Variants in GABBR2 observed in about 807,000 individuals in gnomAD.
GABBR2 encodes the protein gamma-aminobutyric acid type B receptor subunit 2.
Under a neutral mutation model 105.6 loss-of-function variants are expected in GABBR2, and 23 were observed. The ratio of observed to expected loss-of-function variants is 0.22; its 90% CI spans 0.16 to 0.31. The LOEUF is 0.31. Among genes scored for constraint, GABBR2 ranks in the 10% least tolerant of loss-of-function variants. GABBR2 has a pLI of 1.00. For missense variants in GABBR2, 734 were observed against 1,245.5 expected (o/e 0.59, Z 6.18); for synonymous variants, 478 against 499.7 (o/e 0.96, Z 0.58).
intron 8 of GABBR2, among the ~76,000 whole-genome samples, chr9:98,395,396 A>G (rs1162305588): frequency 6.6e-6 from 1 of 151,922 alleles, no homozygotes; most frequent in African/African-American, 2.4e-5. Flanking sequence ...TTGAGTCTAG[A>G]GCTGAGGGGA....
At chr9:98,563,510 C>T (rs1429750105) in intron 2 of GABBR2, among the ~76,000 whole-genome samples, 1 of 152,220 alleles carries the variant, frequency 6.6e-6, no homozygotes, top group Non-Finnish European at 1.5e-5. Context: ...TGGGCCAAAA[C>T]AGCTTTGCTG....
At chr9:98,583,347 G>A (rs374928257) in intron 1 of GABBR2, among the ~76,000 whole-genome samples, 40 of 152,306 alleles carry the variant, frequency 2.6e-4, no homozygotes, top group African/African-American at 8.7e-4. Flanking sequence ...TCAGCTTAGA[G>A]TTTTTTACAG....
Position 98,354,836 on chromosome 9 carries a change from T to C in GABBR2, c.1893+7879A>G, listed in dbSNP as rs1235176777. On this transcript the variant is annotated intron_variant, in intron 13 of 18. Coordinates refer to ENST00000259455, the MANE Select transcript of GABBR2 (RefSeq NM_005458.8). ...CATGTGTTCACTGAAACAGCACTTT[T>C]AATTCCCTTCAAGAATTTTTCCTTT... Among the ~76,000 whole-genome samples the C allele has an allele frequency of 6.6e-5, 10 of 152,266 alleles. No homozygotes were observed. In the South Asian group the frequency reaches 2.1e-3, roughly 31 times the overall value.
At chr9:98,417,326 C>A (rs186822263) in intron 7 of GABBR2, among the ~76,000 whole-genome samples, 1 of 152,158 alleles carries the variant, frequency 6.6e-6, no homozygotes, top group Non-Finnish European at 1.5e-5. Flanking sequence ...CAGAGTGGCC[C>A]AAGGTGGAGG....
Position 98,585,573 on chromosome 9 carries a change from A to G in GABBR2, c.322-7501T>C, listed in dbSNP as rs562572346. On this transcript the variant is annotated intron_variant, in intron 1 of 18. Transcript: ENST00000259455. ...GAGTTAATGGGTGCAGCACACCAAC[A>G]TGGCACACGTATACATATGTAACAA... is the stretch of plus-strand genomic sequence containing the variant. 6.4e-3 allele frequency among the ~76,000 whole-genome samples: 971 copies of G among 151,866 alleles called. 11 individuals carry two copies. The highest frequency in any genetic ancestry group is 0.022 in the African/African-American group (905 of 41,358).
chr9:98,386,377 C>G (rs1832073032), intron 10 of GABBR2, among the ~76,000 whole-genome samples: 1 of 152,200 alleles, frequency 6.6e-6, no homozygotes, highest in African/African-American at 2.4e-5. Flanking sequence ...CTCAGGGTTG[C>G]TTAGGAAAGC....
intron 7 of GABBR2, among the ~76,000 whole-genome samples, chr9:98,416,667 C>A (rs903644178): frequency 3.3e-5 from 5 of 152,258 alleles, no homozygotes; most frequent in Non-Finnish European, 5.9e-5. Flanking sequence ...CTTCAGACAT[C>A]AGAATACTAG....
At chr9:98,508,675 C>T (rs1196544732) in intron 3 of GABBR2, among the ~76,000 whole-genome samples, 6 of 152,138 alleles carry the variant, frequency 3.9e-5, no homozygotes, top group African/African-American at 7.3e-5. Flanking sequence ...GCTAGCACAG[C>T]AGTCCGAGAT....
At chr9:98,514,663 G>T (rs544847897) in intron 3 of GABBR2, among the ~76,000 whole-genome samples, 1 of 106,814 alleles carries the variant, frequency 9.4e-6, no homozygotes, top group Non-Finnish European at 1.9e-5. Flanking sequence ...GTGGGGGGAG[G>T]GGGGAGGGAT....
At chr9:98,379,966 T>C (rs1048640050) in intron 11 of GABBR2, among the ~76,000 whole-genome samples, 1 of 152,168 alleles carries the variant, frequency 6.6e-6, no homozygotes, top group African/African-American at 2.4e-5. Context: ...AAGAACTTAG[T>C]TGACTTTTTT....
chr9:98,697,921 C>G (rs1473453464), intron 1 of GABBR2, among the ~76,000 whole-genome samples: 1 of 152,206 alleles, frequency 6.6e-6, no homozygotes, highest in African/African-American at 2.4e-5. Context: ...CCACTTACAT[C>G]CCTGAAACAA....
chr9:98,650,693 T>C (rs374076473), intron 1 of GABBR2, among the ~76,000 whole-genome samples: 3 of 152,294 alleles, frequency 2.0e-5, no homozygotes, highest in East Asian at 1.9e-4. Context: ...TACGTACACA[T>C]TGACAGATGA....
At position 98,700,633 on chromosome 9, in the gene GABBR2, G is replaced by A. The variant is rs147597146; in HGVS notation, c.321+7784C>T. On this transcript the variant is annotated intron_variant, in intron 1 of 18. Coordinates refer to ENST00000259455, the MANE Select transcript of GABBR2 (RefSeq NM_005458.8). ...TCTCTTATGCTTACAAGTCTATCTT[G>A]GCATCTCCTTCCTGAAGGACCCCAA... is the stretch of plus-strand genomic sequence containing the variant. 3.0e-3 allele frequency among the ~76,000 whole-genome samples: 464 copies of A among 152,190 alleles called. 1 individual carries two copies. Among genetic ancestry groups the A allele is most frequent in the Middle Eastern group, 0.014 (4 of 294 alleles).
intron 3 of GABBR2, among the ~76,000 whole-genome samples, chr9:98,520,571 G>T (rs1371727429): frequency 6.6e-6 from 1 of 152,180 alleles, no homozygotes; most frequent in Non-Finnish European, 1.5e-5. Context: ...TCCCCACAAC[G>T]CCTGCTGCCC....
In GABBR2 at chr9:98,468,927, G is replaced by A. The variant is rs540895516; in HGVS notation, c.999+4219C>T. ...AGCAGCATGGCAGAGGGGAAGGGGC[G>A]CTGAGTTGGGATTAGGAGTCCTGGC... On this transcript the variant is annotated intron_variant, in intron 6 of 18. Transcript: ENST00000259455. Among the ~76,000 whole-genome samples the A allele has an allele frequency of 7.6e-4, 116 of 152,260 alleles. 2 individuals are homozygous for A. Among genetic ancestry groups the A allele is most frequent in the African/African-American group, 2.6e-3 (106 of 41,544 alleles).
intron 5 of GABBR2, among the ~76,000 whole-genome samples, chr9:98,478,778 C>T (rs1826848865): frequency 6.6e-6 from 1 of 152,158 alleles, no homozygotes; most frequent in Non-Finnish European, 1.5e-5. Context: ...GAACATAAGG[C>T]CCATCTATGT....
intron 13 of GABBR2, among the ~76,000 whole-genome samples, chr9:98,315,920 G>A (rs979211433): frequency 7.9e-4 from 120 of 152,368 alleles, no homozygotes; most frequent in African/African-American, 2.8e-3. Context: ...CACTTCTGGA[G>A]CAGCTGTTGG....
At chr9:98,664,461 T>C (rs1830307951) in intron 1 of GABBR2, among the ~76,000 whole-genome samples, 1 of 152,240 alleles carries the variant, frequency 6.6e-6, no homozygotes, top group South Asian at 2.1e-4. Flanking sequence ...ACACGATATG[T>C]GGCCACCAAG....
At chr9:98,604,871 G>T (rs1588248048) in intron 1 of GABBR2, among the ~76,000 whole-genome samples, 1 of 152,202 alleles carries the variant, frequency 6.6e-6, no homozygotes, top group East Asian at 1.9e-4. Context: ...TTGCGGGGCT[G>T]GTACTCCAAT....
Sources: allele counts gnomAD v4.1 joint callset (sites outside exome capture counted in the v4.1 genomes callset), GRCh38; gene constraint gnomAD v4.1.1; transcripts MANE v1.5; gene names NCBI Gene and HGNC (gene_info 2026-07-23, HGNC 2026-07-21).